PCID2: variants seen among roughly 807,000 people sequenced by gnomAD.
The protein encoded by PCID2 is PCI domain-containing protein 2.
A neutral mutation model predicts 61.3 loss-of-function variants in PCID2; 41 were observed. The ratio of observed to expected loss-of-function variants is 0.67; its 90% CI spans 0.52 to 0.87. The LOEUF (loss-of-function observed/expected upper bound fraction) is 0.87. Among genes scored for constraint, PCID2 ranks in the 40% least tolerant of loss-of-function variants. PCID2 has a pLI of 0.00. For synonymous variants in PCID2, 187 were observed against 177.8 expected (o/e 1.05, Z -0.41); for missense variants, 392 against 493.4 (o/e 0.79, Z 1.95).
intron 7 of PCID2, chr13:113,187,505 T>A (rs1158708851): frequency 6.6e-6 from 1 of 152,244 alleles, no homozygotes; most frequent in African/African-American, 2.4e-5. Context: ...ATTACAGTCA[T>A]CCCACTGGGT....
At chr13:113,204,870 G>A (rs2039690928) in intron 1 of PCID2, among the ~76,000 whole-genome samples, 1 of 152,170 alleles carries the variant, frequency 6.6e-6, no homozygotes, top group Non-Finnish European at 1.5e-5. Flanking sequence ...TCATGCTGCA[G>A]AGCCTTCAGC....
intron 6 of PCID2, among the ~76,000 whole-genome samples, chr13:113,193,077 C>T (rs1486867446): frequency 1.3e-5 from 2 of 152,188 alleles, no homozygotes; most frequent in African/African-American, 4.8e-5. Flanking sequence ...GCCTCCAGAA[C>T]TATGAGACAT....
the PCID2 span, among the ~76,000 whole-genome samples, chr13:113,170,914 G>A: frequency 6.7e-6 from 1 of 148,356 alleles, no homozygotes; most frequent in Admixed American, 6.9e-5. Context: ...CGGCTTATCT[G>A]TGCCTATTTC....
rs1208570023 is a variant in PCID2, at chr13:113,181,120, A to T, written c.786+10T>A. 1 of 1,542,296 alleles carries T rather than the reference A, an allele frequency of 6.5e-7. No homozygotes were observed. Among genetic ancestry groups the T allele is most frequent in the Non-Finnish European group, 9.0e-7 (1 of 1,114,414 alleles). On this transcript the variant is annotated intron_variant, in intron 10 of 13. Coordinates refer to ENST00000337344, the MANE Select transcript of PCID2 (RefSeq NM_001127202.4). Reference sequence around the variant, plus strand: ...CCAGGATCTATAAACATGGAGTAATAATCACTCACCAATAGCATTTTTACT... The same window carrying T: ...CCAGGATCTATAAACATGGAGTAATTATCACTCACCAATAGCATTTTTACT...
intron 9 of PCID2, among the ~76,000 whole-genome samples, chr13:113,182,109 G>A (rs1171729197): frequency 6.6e-6 from 1 of 152,180 alleles, no homozygotes; most frequent in East Asian, 1.9e-4. Flanking sequence ...CCAAATATAA[G>A]AGAACAGAGA....
At chr13:113,172,121 C>T in the PCID2 span, 2 of 1,611,356 alleles carry the variant, frequency 1.2e-6, no homozygotes, top group Admixed American at 3.3e-5. Flanking sequence ...ACTCAGCTAG[C>T]CAGAATGAAC....
At chr13:113,165,822 C>T in the PCID2 span, among the ~76,000 whole-genome samples, 36,657 of 152,198 alleles carry the variant, frequency 0.24, 5,539 homozygotes, top group Non-Finnish European at 0.32. Flanking sequence ...TGAGCCACCA[C>T]GCCTGGCCTC....
At chr13:113,175,383 C>A (rs1176410053), downstream of PCID2, among the ~76,000 whole-genome samples, 4 of 152,208 alleles carry the variant, frequency 2.6e-5, no homozygotes, top group Non-Finnish European at 5.9e-5. Context: ...CAAACCTGAG[C>A]TTTCCACCGC....
At chr13:113,172,450 AC>A in the PCID2 span, 1 of 361,450 alleles carries the variant, frequency 2.8e-6, no homozygotes, top group Non-Finnish European at 5.3e-6. Context: ...GGGAATAGCC[AC>A]CCCAGCCTGC....
At chr13:113,207,458 C>A (rs1361029785) in intron 1 of PCID2, among the ~76,000 whole-genome samples, 1 of 152,130 alleles carries the variant, frequency 6.6e-6, no homozygotes, top group East Asian at 1.9e-4. Context: ...AATGTTAAGT[C>A]TGCTAAGATT....
intron 1 of PCID2, among the ~76,000 whole-genome samples, chr13:113,202,718 C>CTTTTGGGAT (rs1367559609): frequency 1.3e-5 from 2 of 152,008 alleles, no homozygotes; most frequent in Non-Finnish European, 1.5e-5. Flanking sequence ...CATGTACATC[C>CTTTTGGGAT]CAAAAGGAAA....
downstream of PCID2, among the ~76,000 whole-genome samples, chr13:113,175,088 T>C (rs1461069279): frequency 6.6e-6 from 1 of 152,134 alleles, no homozygotes; most frequent in Non-Finnish European, 1.5e-5. Flanking sequence ...CATGCTCACT[T>C]CCCCTTCCGC....
chr13:113,165,810 C>T, the PCID2 span, among the ~76,000 whole-genome samples: 2,478 of 152,236 alleles, frequency 0.016, 176 homozygotes, highest in East Asian at 0.22. Context: ...GGATTACAGG[C>T]GTGAGCCACC....
At chr13:113,166,265 T>C in the PCID2 span, 2 of 152,248 alleles carry the variant, frequency 1.3e-5, no homozygotes, top group Non-Finnish European at 2.9e-5. Flanking sequence ...TATTTCCCCA[T>C]GTAATGAATA....
intron 4 of PCID2, 45 bp downstream of exon 4, chr13:113,197,133 G>GC: frequency 6.2e-7 from 1 of 1,614,026 alleles, no homozygotes; most frequent in Non-Finnish European, 8.5e-7. Context: ...GTAATCCACT[G>GC]CATGTGTTCT....
In PCID2 at chr13:113,179,059, A is replaced by G; in HGVS notation, c.1017T>C (p.Ser339=). ...TCAAGGCAACCAGAAAAGCATCCAG[A>G]GACAGCTGGTGTGTTTTCAGTAACA... ...VYLLLKTHQL[S]LDAFLVALKF... The change falls in exon 13 of 14, where the codon TCT becomes TCC. Residue 339 remains serine, a synonymous_variant. Coordinates refer to ENST00000337344, the MANE Select transcript of PCID2 (RefSeq NM_001127202.4). This position sits in a 1 kb window ranked among gnomAD's most constrained non-coding sequence, Gnocchi z 4.3. 1 of 1,613,788 alleles carries G rather than the reference A, an allele frequency of 6.2e-7. No homozygotes were observed. Among genetic ancestry groups the G allele is most frequent in the South Asian group, 1.1e-5 (1 of 91,068 alleles).
At chr13:113,177,206 C>T (rs1321330207), downstream of PCID2, among the ~76,000 whole-genome samples, 1 of 152,162 alleles carries the variant, frequency 6.6e-6, no homozygotes, top group Non-Finnish European at 1.5e-5. Context: ...GGCATGATCT[C>T]GGCTCACTGC....
At chr13:113,190,753 T>TG in intron 7 of PCID2, 119 bp downstream of exon 7, 1 of 519,110 alleles carries the variant, frequency 1.9e-6, no homozygotes. Context: ...GGTTGTGGGA[T>TG]TATAGCATGT....
chr13:113,165,057 G>A, the PCID2 span: 1 of 1,613,488 alleles, frequency 6.2e-7, no homozygotes, highest in Non-Finnish European at 8.5e-7. Context: ...ATGCAGACCA[G>A]TGTGCCTGCG....
Sources: gnomAD v4.1 joint callset for allele counts (sites outside exome capture counted in the v4.1 genomes callset) on GRCh38, gnomAD v4.1.1 for gene constraint, Gnocchi (gnomAD v3.1) non-coding constraint, MANE v1.5 for transcripts, NCBI Gene and HGNC (gene_info 2026-07-23, HGNC 2026-07-21) for gene names.